Variants in BMP1 observed in about 807,000 individuals in gnomAD.
BMP1 encodes mammalian tolloid protein.
BMP1 carries 63 observed loss-of-function variants against 116.8 expected under a neutral mutation model. The ratio of observed to expected loss-of-function variants is 0.54; its 90% CI spans 0.44 to 0.67. The LOEUF (loss-of-function observed/expected upper bound fraction) is 0.67. BMP1 is among the 30% of genes least tolerant of loss of function. The probability of loss-of-function intolerance (pLI) is 0.00; values close to 1 mark genes in which losing one functional copy is unlikely to be tolerated. For missense variants in BMP1, 1,183 were observed against 1,358.9 expected, an observed-to-expected ratio of 0.87 and a Z score of 2.04; for synonymous variants, 536 against 533.4, an observed-to-expected ratio of 1.00 and a Z score of -0.07.
intron 18 of BMP1, 77 bp downstream of exon 18, chr8:22,207,593 G>T: frequency 1.3e-6 from 2 of 1,512,040 alleles, no homozygotes; most frequent in Non-Finnish European, 1.8e-6. Flanking sequence ...TTCAATGCGG[G>T]TATGAAGGTA....
intron 3 of BMP1, 82 bp from the exon 4 acceptor site, chr8:22,176,451 G>C (rs770644552): frequency 1.9e-6 from 3 of 1,569,178 alleles, no homozygotes; most frequent in African/African-American, 2.7e-5. Context: ...TCTGCCCTCA[G>C]AATGGCTGTG....
intron 13 of BMP1, 63 bp downstream of exon 13, chr8:22,195,650 A>C: frequency 7.6e-7 from 1 of 1,315,964 alleles, no homozygotes; most frequent in South Asian, 1.4e-5. Flanking sequence ...CCTGCCCAGA[A>C]TTTTTTTTTT....
At chr8:22,196,393 G>A (rs1031468494) in intron 13 of BMP1, 9 of 587,536 alleles carry the variant, frequency 1.5e-5, no homozygotes, top group South Asian at 7.1e-5. Flanking sequence ...CCTTATTCCC[G>A]CTCACTCCCT....
chr8:22,177,922 C>G lies in BMP1; in HGVS notation c.801C>G (p.Asp267Glu). The G allele has an allele frequency of 6.2e-7, 1 of 1,613,458 alleles. No individual in the cohort carries two copies. Among genetic ancestry groups the G allele is most frequent in the East Asian group, 2.2e-5 (1 of 44,852 alleles). The change falls in exon 6 of 20, where the codon GAC becomes GAG. Residue 267 changes from aspartate to glutamate, a missense_variant. By Grantham distance (45) the Asp-to-Glu change is conservative. Coordinates refer to ENST00000306385, the MANE Select transcript of BMP1 (RefSeq NM_006129.5). ...VESLGETYDF[D>E]SIMHYARNTF... ...CCCTGGGGGAGACCTATGACTTCGACAGCATCATGCATTACGCTCGGAACA... is the reference window on the plus strand; with the variant it reads ...CCCTGGGGGAGACCTATGACTTCGAGAGCATCATGCATTACGCTCGGAACA...
Position 22,194,453 on chromosome 8 carries a change from G to T in BMP1, c.1306G>T (p.Gly436Trp). 1 of 1,614,054 alleles carries T rather than the reference G, an allele frequency of 6.2e-7. No individual in the cohort carries two copies. Among genetic ancestry groups the T allele is most frequent in the Non-Finnish European group, 8.5e-7 (1 of 1,179,990 alleles). Residue 436 changes from glycine to tryptophan, a missense_variant, in exon 11 of 20, where the codon GGG becomes TGG. By Grantham distance (184) the Gly-to-Trp change is radical (BLOSUM62 -2). This residue lies in a region of BMP1 where 956 missense variants were observed against 1,135.2 expected (regional missense o/e 0.84). Coordinates refer to ENST00000306385, the MANE Select transcript of BMP1 (RefSeq NM_006129.5). The surrounding 1 kb of genome is among the most constrained non-coding windows in gnomAD (Gnocchi z 4.5). Reference sequence around the variant, plus strand: ...ATCCTGTGTCCCCACAGCCATCTGCGGGGGTGATGTGAAAAAGGACTATGG... The same window carrying T: ...ATCCTGTGTCCCCACAGCCATCTGCTGGGGTGATGTGAAAAAGGACTATGG... ...GFFAVYEAIC[G>W]GDVKKDYGHI... is the part of the protein sequence containing the mutation.
intron 14 of BMP1, 56 bp from the exon 15 acceptor site, chr8:22,197,184 A>G (rs1038340639): frequency 1.9e-6 from 3 of 1,576,894 alleles, no homozygotes; most frequent in African/African-American, 2.7e-5. Context: ...CGAGGGCAGG[A>G]GTAGTCAAGA....
chr8:22,205,212 G>T (rs1829330589), intron 16 of BMP1, among the ~76,000 whole-genome samples: 1 of 152,176 alleles, frequency 6.6e-6, no homozygotes, highest in Non-Finnish European at 1.5e-5. Flanking sequence ...GGCTTGAGGA[G>T]GGGGCTGGAT....
rs369475640 is a variant in BMP1, at chr8:22,173,542, G to T, written c.149-60G>T. 3.8e-6 allele frequency: 5 copies of T among 1,332,764 alleles called. No homozygotes were observed. The African/African-American group carries it at 5.9e-5, about 16-fold the overall frequency. 82.6% of individuals were successfully genotyped at this position (1,332,764 alleles called of 1,614,324 possible). On this transcript the variant is annotated intron_variant, in intron 1 of 19. Transcript: ENST00000306385. ...CCCACAGGGTTGGGGCTAGAAGCAC[G>T]GTGCACCTAGGGCTGGGTAGGAGGA...
chr8:22,176,294 C>G lies in BMP1; in HGVS notation c.414C>G (p.Val138=), dbSNP rs1224502598. Residue 138 remains valine, a synonymous_variant, in exon 3 of 20, where the codon GTC becomes GTG. Coordinates refer to ENST00000306385, the MANE Select transcript of BMP1 (RefSeq NM_006129.5). ...RVWPDGVIPF[V]IGGNFTGSQR... is the part of the protein sequence containing the mutation. Reference sequence around the variant, plus strand: ...GGCCCGATGGGGTCATCCCCTTTGTCATTGGGGGAAACTTCACTGGTGAGC... The same window carrying G: ...GGCCCGATGGGGTCATCCCCTTTGTGATTGGGGGAAACTTCACTGGTGAGC... 2 of 1,601,882 alleles carry G rather than the reference C, an allele frequency of 1.2e-6. No individual in the cohort carries two copies. Among genetic ancestry groups the G allele is most frequent in the Non-Finnish European group, 8.5e-7 (1 of 1,172,876 alleles).
rs1269042722 is a variant in BMP1 at position 22,207,308 on chromosome 8, C to T, written c.2367C>T (p.Phe789=). 1 of 1,612,472 alleles carries T rather than the reference C, an allele frequency of 6.2e-7. No homozygotes were observed. Among genetic ancestry groups the T allele is most frequent in the Non-Finnish European group, 8.5e-7 (1 of 1,178,502 alleles). ...CTCCTTCCTCATCCCCCTAGACCTT[C>T]ATGGAGATGGACATCGAGTCCCAGC... is the stretch of plus-strand genomic sequence containing the variant. The part of the protein sequence containing the change: ...STPGHRVKLT[F]MEMDIESQPE... Residue 789 remains phenylalanine, a synonymous_variant, in exon 18 of 20, where the codon TTC becomes TTT. Transcript: ENST00000306385.
At chr8:22,204,329 T>A (rs1042628696) in intron 16 of BMP1, among the ~76,000 whole-genome samples, 1 of 152,210 alleles carries the variant, frequency 6.6e-6, no homozygotes, top group South Asian at 2.1e-4. Flanking sequence ...TGCTGTATCT[T>A]GCCCATCCTT....
chr8:22,200,377 G>A (rs892234442), intron 15 of BMP1, among the ~76,000 whole-genome samples: 1 of 152,158 alleles, frequency 6.6e-6, no homozygotes, highest in African/African-American at 2.4e-5. Flanking sequence ...GTGCAGATGT[G>A]TCCTGTCCCT....
At chr8:22,206,724 G>A (rs1829363819) in intron 16 of BMP1, 130 bp from the exon 17 acceptor site, 5 of 1,345,722 alleles carry the variant, frequency 3.7e-6, no homozygotes, top group Non-Finnish European at 5.1e-6. Flanking sequence ...ATGCCTGCCT[G>A]CCATCCAGTT....
intron 16 of BMP1, among the ~76,000 whole-genome samples, chr8:22,204,591 C>T (rs567248925): frequency 7.9e-5 from 12 of 152,230 alleles, no homozygotes; most frequent in Admixed American, 2.6e-4. Flanking sequence ...GGCGTGGTGG[C>T]GCAAGCCTAT....
chr8:22,168,810 T>G (rs1028667777), intron 1 of BMP1, among the ~76,000 whole-genome samples: 27 of 152,016 alleles, frequency 1.8e-4, no homozygotes, highest in African/African-American at 6.3e-4. Flanking sequence ...AGGAAAAAAT[T>G]TGTACTCTCC....
At position 22,211,628 on chromosome 8, in the gene BMP1, T is replaced by C. The variant is rs1224639646; in HGVS notation, c.2861T>C (p.Val954Ala). ...GAGGTGTACTCGGCGGGAGATTCTG[T>C]CCTGGTGAAGTTCCACTCGGATGAC... Reference protein sequence around the residue: ...PEEVYSAGDSVLVKFHSDDTI... With the variant: ...PEEVYSAGDSALVKFHSDDTI... The change falls in exon 20 of 20, where the codon GTC (valine) becomes GCC (alanine). Residue 954 changes from valine (V) to alanine (A), a missense_variant. Coordinates refer to ENST00000306385, the MANE Select transcript of BMP1 (RefSeq NM_006129.5). The C allele has an allele frequency of 3.1e-6, 5 of 1,614,088 alleles. No individual in the cohort carries two copies. In the African/African-American group the frequency reaches 5.3e-5, roughly 17 times the overall value.
At position 22,179,106 on chromosome 8, in the gene BMP1, A is replaced by T. The variant is rs1828538840; in HGVS notation, c.837-599A>T. ...GCCTCCCCTTCACTCTGCTCCTCCC[A>T]GTGCAAACACCCAGGATTCAGCAGG... On this transcript the variant is annotated intron_variant, in intron 6 of 19. Coordinates refer to ENST00000306385, the MANE Select transcript of BMP1 (RefSeq NM_006129.5). The surrounding 1 kb of genome is among the most constrained non-coding windows in gnomAD (Gnocchi z 4.6). Among the ~76,000 whole-genome samples, 1 of 152,148 alleles carries T rather than the reference A, an allele frequency of 6.6e-6. No individual in the cohort carries two copies. The highest frequency in any genetic ancestry group is 1.5e-5 in the Non-Finnish European group (1 of 68,016).
intron 1 of BMP1, among the ~76,000 whole-genome samples, chr8:22,166,506 G>A (rs1412979614): frequency 6.6e-6 from 1 of 152,200 alleles, no homozygotes; most frequent in Non-Finnish European, 1.5e-5. Context: ...GATGACCCTG[G>A]GCAGGCTGTT....
At chr8:22,186,609 G>C (rs1828777766) in intron 8 of BMP1, among the ~76,000 whole-genome samples, 1 of 152,154 alleles carries the variant, frequency 6.6e-6, no homozygotes, top group African/African-American at 2.4e-5. Context: ...TGGGACTATA[G>C]GCACGTGCCA....
Sources: allele counts gnomAD v4.1 joint callset (sites outside exome capture counted in the v4.1 genomes callset), GRCh38; gene constraint gnomAD v4.1.1; regional missense constraint gnomAD v4.1.1; non-coding constraint Gnocchi (gnomAD v3.1); transcripts MANE v1.5; gene names NCBI Gene and HGNC (gene_info 2026-07-23, HGNC 2026-07-21).